PARD6G: variants seen among roughly 807,000 people sequenced by gnomAD.
The protein encoded by PARD6G is par-6 family cell polarity regulator gamma.
A neutral mutation model predicts 10.7 loss-of-function variants in PARD6G; 7 were observed. That is an observed-to-expected ratio of 0.66 (90% CI 0.37 to 1.23). The LOEUF (loss-of-function observed/expected upper bound fraction) is 1.23. Among genes scored for constraint, PARD6G ranks in the 50% most tolerant of loss-of-function variants. The probability of loss-of-function intolerance (pLI) is 0.02; values close to 1 mark genes in which losing one functional copy is unlikely to be tolerated. For missense variants in PARD6G, 548 were observed against 571.8 expected, an observed-to-expected ratio of 0.96 and a Z score of 0.42; for synonymous variants, 287 against 269.4, an observed-to-expected ratio of 1.07 and a Z score of -0.64.
intron 2 of PARD6G, among the ~76,000 whole-genome samples, chr18:80,191,037 C>T (rs143337030): frequency 6.6e-6 from 1 of 152,336 alleles, no homozygotes; most frequent in East Asian, 1.9e-4. Flanking sequence ...ACAACTGTGG[C>T]AGGGCCAGCG....
intron 1 of PARD6G, among the ~76,000 whole-genome samples, chr18:80,210,095 A>T (rs1967093209): frequency 6.6e-6 from 1 of 152,214 alleles, no homozygotes; most frequent in Non-Finnish European, 1.5e-5. Flanking sequence ...AATGTTCCAT[A>T]CAGCTCTTGG....
At chr18:80,167,169 G>A (rs2052741559) in intron 2 of PARD6G, among the ~76,000 whole-genome samples, 1 of 152,200 alleles carries the variant, frequency 6.6e-6, no homozygotes, top group Non-Finnish European at 1.5e-5. Flanking sequence ...CTGCCTGAGA[G>A]CATCATGTTG....
chr18:80,224,719 C>T lies in PARD6G; in HGVS notation c.73-21787G>A, dbSNP rs1025081714. ...AAAATTAGCCGGGCGTGATGGCGGG[C>T]GCCTGTAGTCCCAGCTACTTGGGAG... On this transcript the variant is annotated intron_variant, in intron 1 of 2. Coordinates refer to ENST00000353265, the MANE Select transcript of PARD6G (RefSeq NM_032510.4). Among the ~76,000 whole-genome samples the T allele has an allele frequency of 7.2e-5, 11 of 152,138 alleles. No homozygotes were observed. In the South Asian group the frequency reaches 8.3e-4, roughly 11 times the overall value.
intron 1 of PARD6G, among the ~76,000 whole-genome samples, chr18:80,217,805 A>G (rs948520985): frequency 3.3e-5 from 5 of 152,140 alleles, no homozygotes; most frequent in Non-Finnish European, 7.4e-5. Context: ...TATAAAAGGA[A>G]AGAGGTTTTA....
intron 1 of PARD6G, among the ~76,000 whole-genome samples, chr18:80,243,905 C>T (rs1474567759): frequency 6.6e-6 from 1 of 152,088 alleles, no homozygotes. Flanking sequence ...TGAAGGAACT[C>T]GGGGCTCTGG....
In PARD6G at chr18:80,246,493, G is replaced by A. The variant is rs1448133800; in HGVS notation, c.72+784C>T. ...GGGGCCGGGCACGCCCGTGGGGGTG[G>A]TCTGGGTACGGGTCTGATCCGGGGG... On this transcript the variant is annotated intron_variant, in intron 1 of 2. Coordinates refer to ENST00000353265, the MANE Select transcript of PARD6G (RefSeq NM_032510.4). This position sits in a 1 kb window ranked among gnomAD's most constrained non-coding sequence, Gnocchi z 6.7. Among the ~76,000 whole-genome samples, 1 of 152,034 alleles carries A rather than the reference G, an allele frequency of 6.6e-6. No homozygotes were observed. The highest frequency in any genetic ancestry group is 1.5e-5 in the Non-Finnish European group (1 of 67,964).
At chr18:80,187,823 C>G (rs2052888367) in intron 2 of PARD6G, 2 of 152,226 alleles carry the variant, frequency 1.3e-5, no homozygotes, top group African/African-American at 4.8e-5. Context: ...CGCACTCACA[C>G]AACCTGGAGG....
intron 2 of PARD6G, among the ~76,000 whole-genome samples, chr18:80,195,920 C>G (rs943142322): frequency 6.6e-6 from 1 of 150,468 alleles, no homozygotes; most frequent in Admixed American, 6.6e-5. Flanking sequence ...AAAAAAGAAC[C>G]AATTCAAACG....
chr18:80,188,708 G>A lies in PARD6G; in HGVS notation c.295+14002C>T, dbSNP rs546024384. 3.3e-5 allele frequency among the ~76,000 whole-genome samples: 5 copies of A among 152,304 alleles called. No homozygotes were observed. Among genetic ancestry groups the A allele is most frequent in the African/African-American group, 4.8e-5 (2 of 41,554 alleles). On this transcript the variant is annotated intron_variant, in intron 2 of 2. Coordinates refer to ENST00000353265, the MANE Select transcript of PARD6G (RefSeq NM_032510.4). The surrounding 1 kb of genome is among the most constrained non-coding windows in gnomAD (Gnocchi z 5.4). ...CACAGATGCAGGGCAGAGTTCACAC[G>A]GCTTCTCAGGGGCCTGCATCTCAGA...
intron 1 of PARD6G, among the ~76,000 whole-genome samples, chr18:80,222,176 C>G (rs1411152606): frequency 6.6e-6 from 1 of 152,068 alleles, no homozygotes; most frequent in African/African-American, 2.4e-5. Context: ...CCTCAACCTC[C>G]TGGGCTCAAG....
chr18:80,195,755 G>A (rs1442180454), intron 2 of PARD6G, among the ~76,000 whole-genome samples: 1 of 150,628 alleles, frequency 6.6e-6, no homozygotes, highest in Non-Finnish European at 1.5e-5. Flanking sequence ...CGTGCCTGTA[G>A]TCCCAGCTAC....
intron 1 of PARD6G, among the ~76,000 whole-genome samples, chr18:80,245,580 G>T (rs1175342591): frequency 1.3e-5 from 2 of 152,084 alleles, no homozygotes; most frequent in Non-Finnish European, 2.9e-5. Context: ...GCTGAGCAAA[G>T]GCTCAGAGGC....
At position 80,183,930 on chromosome 18, in the gene PARD6G, C is replaced by A. The variant is rs1013181389; in HGVS notation, c.295+18780G>T. The A allele has an allele frequency of 6.6e-6, 1 of 152,230 alleles. No individual in the cohort carries two copies. The highest frequency in any genetic ancestry group is 6.5e-5 in the Admixed American group (1 of 15,286). The allele number at this position is 152,230 out of a possible 1,614,324, so 9.4% of individuals were successfully genotyped here. ...AACCCCGAATGCCAATTCCAGTGTC[C>A]TGTGCAGTGATGACCACACTGTTAG... On this transcript the variant is annotated intron_variant, in intron 2 of 2. Transcript: ENST00000353265. This position sits in a 1 kb window ranked among gnomAD's most constrained non-coding sequence, Gnocchi z 4.5.
intron 1 of PARD6G, among the ~76,000 whole-genome samples, chr18:80,224,966 G>A (rs1206177134): frequency 1.3e-5 from 2 of 152,120 alleles, no homozygotes; most frequent in Non-Finnish European, 2.9e-5. Flanking sequence ...CTCATTTCCT[G>A]ACTCTGGCCC....
At chr18:80,235,932 G>A (rs1394705404) in intron 1 of PARD6G, among the ~76,000 whole-genome samples, 53 of 152,180 alleles carry the variant, frequency 3.5e-4, no homozygotes, top group Non-Finnish European at 4.4e-5. Flanking sequence ...ACAAGGAGGA[G>A]CTGGTACCAT....
intron 1 of PARD6G, among the ~76,000 whole-genome samples, chr18:80,233,527 G>A (rs1286855750): frequency 6.6e-6 from 1 of 152,192 alleles, no homozygotes; most frequent in Non-Finnish European, 1.5e-5. Context: ...TATTATTGCA[G>A]ACACCAGCAA....
At chr18:80,218,769 C>T (rs1967197921) in intron 1 of PARD6G, among the ~76,000 whole-genome samples, 1 of 152,274 alleles carries the variant, frequency 6.6e-6, no homozygotes, top group South Asian at 2.1e-4. Context: ...GTCTCTGCCC[C>T]TGCAGCAGAC....
chr18:80,212,799 C>T (rs751314217), intron 1 of PARD6G, among the ~76,000 whole-genome samples: 3 of 152,046 alleles, frequency 2.0e-5, no homozygotes, highest in Non-Finnish European at 2.9e-5. Context: ...ACAGGAGAAT[C>T]ACTTGAACCC....
At chr18:80,220,754 G>C (rs1390357442) in intron 1 of PARD6G, among the ~76,000 whole-genome samples, 1 of 151,968 alleles carries the variant, frequency 6.6e-6, no homozygotes, top group South Asian at 2.1e-4. Flanking sequence ...GGCATTACAG[G>C]TGCACACAAC....
Sources: gnomAD v4.1 joint callset for allele counts (sites outside exome capture counted in the v4.1 genomes callset) on GRCh38, gnomAD v4.1.1 for gene constraint, Gnocchi (gnomAD v3.1) non-coding constraint, MANE v1.5 for transcripts, NCBI Gene and HGNC (gene_info 2026-07-23, HGNC 2026-07-21) for gene names.